Variants in ZNF609 observed in about 807,000 individuals in gnomAD.
The protein encoded by ZNF609 is zinc finger protein 609.
Under a neutral mutation model 109.5 loss-of-function variants are expected in ZNF609, and 11 were observed. The ratio of observed to expected loss-of-function variants is 0.10; its 90% CI spans 0.06 to 0.17. The LOEUF (loss-of-function observed/expected upper bound fraction) is 0.17. ZNF609 is among the 10% of genes least tolerant of loss of function. ZNF609 has a pLI of 1.00. For synonymous variants in ZNF609, 646 were observed against 662.0 expected (o/e 0.98, Z 0.37); for missense variants, 1,559 against 1,772.4 (o/e 0.88, Z 2.16).
chr15:64,653,646 C>CA (rs1266286037), intron 3 of ZNF609, among the ~76,000 whole-genome samples: 1 of 150,756 alleles, frequency 6.6e-6, no homozygotes, highest in African/African-American at 2.4e-5. Flanking sequence ...ACTCCGTCTC[C>CA]AAAAAAAATA....
chr15:64,505,094 A>T (rs1163158532), intron 2 of ZNF609, among the ~76,000 whole-genome samples: 2 of 152,172 alleles, frequency 1.3e-5, no homozygotes, highest in Admixed American at 6.5e-5. Context: ...TAAACAAAGG[A>T]TCTTTGAGTT....
chr15:64,571,226 T>G (rs1458034514), intron 2 of ZNF609, among the ~76,000 whole-genome samples: 1 of 152,076 alleles, frequency 6.6e-6, no homozygotes, highest in Non-Finnish European at 1.5e-5. Context: ...TGGGTATAGA[T>G]CCCTCAGCAG....
intron 3 of ZNF609, among the ~76,000 whole-genome samples, chr15:64,627,663 C>CTTTTTTTTTTTT (rs35293725): frequency 3.7e-4 from 32 of 86,000 alleles, no homozygotes; most frequent in South Asian, 8.8e-4. Context: ...TTTTTTCTTT[C>CTTTTTTTTTTTT]TTTTTTTTTT....
chr15:64,606,299 C>T (rs1369241325), intron 2 of ZNF609, among the ~76,000 whole-genome samples: 3 of 151,148 alleles, frequency 2.0e-5, no homozygotes, highest in Non-Finnish European at 2.9e-5. Context: ...AGGCCGGGCG[C>T]GGTGGCTCAT....
At chr15:64,547,315 C>G (rs74596616) in intron 2 of ZNF609, among the ~76,000 whole-genome samples, 2 of 152,062 alleles carry the variant, frequency 1.3e-5, no homozygotes, top group Admixed American at 1.3e-4. Flanking sequence ...AGAATAAGAT[C>G]CACATGATCT....
At chr15:64,665,900 C>G (rs975558597) in intron 3 of ZNF609, among the ~76,000 whole-genome samples, 3 of 150,430 alleles carry the variant, frequency 2.0e-5, no homozygotes, top group African/African-American at 7.3e-5. Context: ...GAGCAAAACT[C>G]CATCTCAAAA....
intron 2 of ZNF609, among the ~76,000 whole-genome samples, chr15:64,503,805 C>G (rs775378660): frequency 3.9e-5 from 6 of 152,146 alleles, no homozygotes; most frequent in African/African-American, 9.7e-5. Context: ...ATATATTTAC[C>G]ACTTCCCCCA....
At position 64,684,589 on chromosome 15, in the gene ZNF609, C is replaced by G. The variant is rs1282686099; in HGVS notation, c.*2903C>G. 2 of 152,592 alleles carry G rather than the reference C, an allele frequency of 1.3e-5. No homozygotes were observed. Among genetic ancestry groups the G allele is most frequent in the Admixed American group, 1.3e-4 (2 of 15,286 alleles). The allele number at this position is 152,592 out of a possible 1,614,324, so 9.5% of individuals were successfully genotyped here. A position where few individuals can be genotyped will look rare whatever the true frequency, so the allele number is the denominator to read the frequency against. ...CTTACCGAACTCTCTCCACACATCA[C>G]AAGGTCAAAGAACCACACGCTTAGA... On this transcript the variant is annotated 3_prime_UTR_variant, in exon 10 of 10. Coordinates refer to ENST00000326648, the MANE Select transcript of ZNF609 (RefSeq NM_015042.2).
At chr15:64,632,643 G>A (rs769101592) in intron 3 of ZNF609, among the ~76,000 whole-genome samples, 4 of 151,840 alleles carry the variant, frequency 2.6e-5, no homozygotes, top group African/African-American at 4.8e-5. Context: ...GATTTTTTTT[G>A]TATTTTTAGT....
At chr15:64,668,884 G>A (rs1010710088) in intron 3 of ZNF609, among the ~76,000 whole-genome samples, 4 of 148,652 alleles carry the variant, frequency 2.7e-5, no homozygotes, top group Admixed American at 6.8e-5. Flanking sequence ...CCCAGGAGGC[G>A]GAGGTTGCAG....
rs1268053483 is a variant in ZNF609, at chr15:64,674,635, G to T, written c.1781G>T (p.Ser594Ile). 6.2e-7 allele frequency: 1 copy of T among 1,614,172 alleles called. No individual in the cohort carries two copies. The highest frequency in any genetic ancestry group is 1.1e-5 in the South Asian group (1 of 91,088). The change falls in exon 5 of 10, where the codon AGT (serine) becomes ATT (isoleucine). Residue 594 changes from serine to isoleucine, a missense_variant. Physicochemically the swap from Ser to Ile is moderately radical, Grantham distance 142. Transcript: ENST00000326648. ...STKGLCKKKL[S>I]GEGDTDLGAL... is the part of the protein sequence containing the mutation. The stretch of plus-strand genomic sequence containing the variant: ...AAAGGCCTCTGTAAGAAAAAGTTGA[G>T]TGGGGAAGGGGACACAGACCTTGGG...
At chr15:64,630,098 C>CTTTTTTTT (rs773124227) in intron 3 of ZNF609, among the ~76,000 whole-genome samples, 9 of 136,896 alleles carry the variant, frequency 6.6e-5, no homozygotes, top group Non-Finnish European at 7.9e-5. Context: ...TTTCTTTTTT[C>CTTTTTTTT]TTTTTTTTTT....
Position 64,680,839 on chromosome 15 carries a change from A to T in ZNF609, c.4139A>T (p.Gln1380Leu), listed in dbSNP as rs1192946346. 1 of 1,611,808 alleles carries T rather than the reference A, an allele frequency of 6.2e-7. No homozygotes were observed. The highest frequency in any genetic ancestry group is 8.5e-7 in the Non-Finnish European group (1 of 1,179,990). Residue 1380 changes from glutamine (Q) to leucine (L), a missense_variant, in exon 8 of 10, where the codon CAG (glutamine) becomes CTG (leucine). Gln to Leu is a moderately radical substitution (Grantham distance 113, BLOSUM62 -2). This residue lies in a region of ZNF609 where 1,204 missense variants were observed against 1,314.1 expected (regional missense o/e 0.92). Transcript: ENST00000326648. ...TTGGGGTACTCATTGCTCCCAGCAC[A>T]GTACAACTTACCCTATGCAGCAGGT... The part of the protein sequence containing the change: ...HHLGYSLLPA[Q>L]YNLPYAAGLS...
intron 2 of ZNF609, among the ~76,000 whole-genome samples, chr15:64,615,428 C>A (rs7173034): frequency 0.046 from 6,979 of 152,040 alleles, 533 homozygotes; most frequent in African/African-American, 0.16. Flanking sequence ...CAGGTGTGAG[C>A]TACTGCCTCT....
Position 64,608,268 on chromosome 15 carries a change from G to A in ZNF609, c.748-14559G>A, listed in dbSNP as rs115505218. Among the ~76,000 whole-genome samples, 367 of 152,026 alleles carry A rather than the reference G, an allele frequency of 2.4e-3. 2 individuals are homozygous for A. The highest frequency in any genetic ancestry group is 8.5e-3 in the African/African-American group (354 of 41,468). On this transcript the variant is annotated intron_variant, in intron 2 of 9. Transcript: ENST00000326648. ...TATCCCACATAAATAAAAGTTCTTTGGGGTTCTTAACTTTTTTAAAATCTT... is the reference window on the plus strand; with the variant it reads ...TATCCCACATAAATAAAAGTTCTTTAGGGTTCTTAACTTTTTTAAAATCTT...
chr15:64,467,106 G>A (rs1321396909), intron 1 of ZNF609, among the ~76,000 whole-genome samples: 1 of 152,178 alleles, frequency 6.6e-6, no homozygotes, highest in Non-Finnish European at 1.5e-5. Flanking sequence ...AGAAATAAGA[G>A]ATGGCAAATA....
intron 3 of ZNF609, among the ~76,000 whole-genome samples, chr15:64,648,432 CA>C (rs1173585365): frequency 6.6e-6 from 1 of 152,116 alleles, no homozygotes; most frequent in African/African-American, 2.4e-5. Context: ...TTTGAGGTTG[CA>C]GTGAGTTATG....
chr15:64,556,603 A>C (rs1317260643), intron 2 of ZNF609, among the ~76,000 whole-genome samples: 1 of 152,186 alleles, frequency 6.6e-6, no homozygotes, highest in African/African-American at 2.4e-5. Flanking sequence ...AATTTAACAG[A>C]AATTATTGCC....
intron 1 of ZNF609, among the ~76,000 whole-genome samples, chr15:64,473,938 C>G (rs1893129817): frequency 6.6e-6 from 1 of 151,802 alleles, no homozygotes; most frequent in South Asian, 2.1e-4. Flanking sequence ...TTGCACTCGG[C>G]TAATTTTTGT....
Sources: gnomAD v4.1 joint callset for allele counts (sites outside exome capture counted in the v4.1 genomes callset) on GRCh38, gnomAD v4.1.1 for gene constraint, gnomAD v4.1.1 regional missense constraint, MANE v1.5 for transcripts, NCBI Gene and HGNC (gene_info 2026-07-23, HGNC 2026-07-21) for gene names.